The following NELL1 variants were observed in gnomAD, a reference collection of about 807,000 sequenced individuals.
NELL1 encodes protein kinase C-binding protein NELL1.
In NELL1, 76 loss-of-function variants were observed where a neutral mutation model predicts 107.4. The ratio of observed to expected loss-of-function variants is 0.71; its 90% confidence interval spans 0.59 to 0.86. NELL1 has a LOEUF of 0.86. NELL1 is among the 40% of genes least tolerant of loss of function. The pLI is 0.00. For missense variants in NELL1, 1,024 were observed against 1,005.5 expected (o/e 1.02, Z -0.25); for synonymous variants, 353 against 341.2 (o/e 1.03, Z -0.38).
chr11:21,392,783 C>T (rs1401045651), intron 15 of NELL1, among the ~76,000 whole-genome samples: 1 of 151,720 alleles, frequency 6.6e-6, no homozygotes, highest in Non-Finnish European at 1.5e-5. Flanking sequence ...TTTTATACTG[C>T]ATGACATTTA....
At chr11:21,531,106 G>A (rs962692138) in intron 15 of NELL1, among the ~76,000 whole-genome samples, 6 of 152,104 alleles carry the variant, frequency 3.9e-5, no homozygotes, top group African/African-American at 1.4e-4. Flanking sequence ...GAGTTACTAG[G>A]GGAGGGAGTT....
intron 14 of NELL1, among the ~76,000 whole-genome samples, chr11:21,295,947 A>G (rs527958037): frequency 6.6e-6 from 1 of 152,132 alleles, no homozygotes; most frequent in Non-Finnish European, 1.5e-5. Context: ...CCTGAGTAAA[A>G]ACAGTCTACT....
In NELL1 at chr11:21,370,004, A is replaced by G. The variant is rs188353502; in HGVS notation, c.1550-849A>G. Among the ~76,000 whole-genome samples, 990 of 152,246 alleles carry G rather than the reference A, an allele frequency of 6.5e-3. 8 individuals are homozygous for G. Among genetic ancestry groups the G allele is most frequent in the Non-Finnish European group, 9.9e-3 (675 of 67,994 alleles). On this transcript the variant is annotated intron_variant, in intron 14 of 19. Transcript: ENST00000357134. Reference sequence around the variant, plus strand: ...AAAAACAATTATGCTACTTATTCTTATGGGTCTTACAGTTCAGTTGATAAA... The same window carrying G: ...AAAAACAATTATGCTACTTATTCTTGTGGGTCTTACAGTTCAGTTGATAAA...
chr11:21,056,660 T>C (rs1179363109), intron 12 of NELL1, among the ~76,000 whole-genome samples: 1 of 152,230 alleles, frequency 6.6e-6, no homozygotes, highest in African/African-American at 2.4e-5. Context: ...TCAATTACTT[T>C]AGCAAGCTCT....
intron 14 of NELL1, chr11:21,262,644 G>T (rs552459568): frequency 1.3e-5 from 2 of 151,622 alleles, no homozygotes; most frequent in African/African-American, 4.8e-5. Flanking sequence ...CTAGGTTCCT[G>T]TATGGAATTT....
chr11:20,929,285 A>G (rs926606459), intron 9 of NELL1, among the ~76,000 whole-genome samples: 1 of 152,206 alleles, frequency 6.6e-6, no homozygotes, highest in Non-Finnish European at 1.5e-5. Context: ...AAACACACCA[A>G]TGTCAGTAGC....
chr11:21,033,795 T>C (rs1853021816), intron 12 of NELL1, among the ~76,000 whole-genome samples: 1 of 152,162 alleles, frequency 6.6e-6, no homozygotes, highest in Non-Finnish European at 1.5e-5. Context: ...TTTCTGTTTT[T>C]TGTCTTTGAG....
chr11:21,247,954 C>T (rs543112221), intron 14 of NELL1, among the ~76,000 whole-genome samples: 21 of 152,232 alleles, frequency 1.4e-4, no homozygotes, highest in South Asian at 2.1e-4. Context: ...ATCATATGGA[C>T]GGTGGAGGAA....
chr11:20,717,353 G>A (rs1406130957), intron 2 of NELL1, among the ~76,000 whole-genome samples: 4 of 152,064 alleles, frequency 2.6e-5, no homozygotes, highest in Admixed American at 1.3e-4. Flanking sequence ...CAGTCATGCT[G>A]GCCACATTTT....
chr11:20,850,058 T>G (rs949924184), intron 4 of NELL1, among the ~76,000 whole-genome samples: 2 of 152,088 alleles, frequency 1.3e-5, no homozygotes, highest in Admixed American at 6.5e-5. Context: ...CTACAACAAA[T>G]AAATGAAGTC....
At chr11:21,474,942 G>A (rs866529154) in intron 15 of NELL1, among the ~76,000 whole-genome samples, 6 of 151,922 alleles carry the variant, frequency 3.9e-5, no homozygotes, top group East Asian at 1.9e-4. Context: ...TTGTTGCATC[G>A]CTTATCTTAG....
At chr11:20,936,124 A>G (rs1201328066) in intron 9 of NELL1, among the ~76,000 whole-genome samples, 2 of 152,168 alleles carry the variant, frequency 1.3e-5, no homozygotes, top group Admixed American at 6.5e-5. Flanking sequence ...GGAGAAGTTA[A>G]GCTGCAGTGG....
At chr11:21,143,504 C>G (rs1855912676) in intron 13 of NELL1, among the ~76,000 whole-genome samples, 2 of 152,050 alleles carry the variant, frequency 1.3e-5, no homozygotes, top group Admixed American at 1.3e-4. Flanking sequence ...GTGGAGTAGC[C>G]AAAGGACTTG....
At chr11:21,359,892 A>G (rs2133735595) in intron 14 of NELL1, among the ~76,000 whole-genome samples, 2 of 152,218 alleles carry the variant, frequency 1.3e-5, no homozygotes, top group South Asian at 4.1e-4. Context: ...TTCTTGGTTA[A>G]TATCACTAAT....
intron 3 of NELL1, among the ~76,000 whole-genome samples, chr11:20,793,406 C>T (rs903620334): frequency 3.9e-5 from 6 of 151,996 alleles, no homozygotes; most frequent in African/African-American, 1.4e-4. Context: ...TGGCCAGGCT[C>T]ATCATGGGAT....
At chr11:21,129,605 A>G (rs1346392453) in intron 13 of NELL1, among the ~76,000 whole-genome samples, 2 of 152,204 alleles carry the variant, frequency 1.3e-5, no homozygotes, top group Admixed American at 6.5e-5. Context: ...GATACATGCT[A>G]TAATGTGGAT....
At chr11:21,385,383 G>A (rs909035734) in intron 15 of NELL1, among the ~76,000 whole-genome samples, 25 of 151,832 alleles carry the variant, frequency 1.6e-4, no homozygotes, top group Admixed American at 1.4e-3. Flanking sequence ...GTTATGATAC[G>A]TCTTGGGAAG....
At chr11:21,416,521 A>G (rs1852524253) in intron 15 of NELL1, among the ~76,000 whole-genome samples, 1 of 152,142 alleles carries the variant, frequency 6.6e-6, no homozygotes, top group African/African-American at 2.4e-5. Flanking sequence ...TCTTTTCCAA[A>G]TTCTATAAAA....
chr11:21,533,586 G>A (rs1284827327), intron 15 of NELL1, among the ~76,000 whole-genome samples: 1 of 152,148 alleles, frequency 6.6e-6, no homozygotes, highest in Non-Finnish European at 1.5e-5. Context: ...CTTTGTGCTA[G>A]AAAATCTATA....
Sources: allele counts gnomAD v4.1 joint callset (sites outside exome capture counted in the v4.1 genomes callset), GRCh38; gene constraint gnomAD v4.1.1; transcripts MANE v1.5; gene names NCBI Gene and HGNC (gene_info 2026-07-23, HGNC 2026-07-21).